The following RGS18 variants were observed in gnomAD, a reference collection of about 807,000 sequenced individuals.
RGS18 encodes regulator of G protein signaling 18.
Under a neutral mutation model 27.6 loss-of-function variants are expected in RGS18, and 22 were observed. The observed-to-expected ratio is 0.80, with a 90% CI of 0.57 to 1.14. The LOEUF (loss-of-function observed/expected upper bound fraction) is 1.14, where lower values mean the gene tolerates loss of function less well. Among genes scored for constraint, RGS18 ranks in the 50% most tolerant of loss-of-function variants. The pLI is 0.00. For missense variants in RGS18, 299 were observed against 269.6 expected (o/e 1.11, Z -0.76); for synonymous variants, 89 against 84.6 (o/e 1.05, Z -0.29).
At chr1:192,172,876 T>TGC (rs1656287289) in intron 3 of RGS18, among the ~76,000 whole-genome samples, 1 of 138,570 alleles carries the variant, frequency 7.2e-6, no homozygotes, top group Non-Finnish European at 1.6e-5. Flanking sequence ...TATATATATA[T>TGC]ATATATAAAT....
chr1:192,172,864 C>CATATATATATATATATATATATATATAA (rs549568195), intron 3 of RGS18, among the ~76,000 whole-genome samples: 2 of 135,542 alleles, frequency 1.5e-5, no homozygotes, highest in Non-Finnish European at 3.2e-5. Flanking sequence ...GAAAAATATG[C>CATATATATATATATATATATATATATAA]ATATATATAT....
At position 192,180,790 on chromosome 1, in the gene RGS18, G is replaced by T. The variant is rs35032332; in HGVS notation, c.284-502G>T. Among the ~76,000 whole-genome samples the T allele has an allele frequency of 9.8e-3, 1,484 of 151,754 alleles. 24 individuals carry two copies. The highest frequency in any genetic ancestry group is 0.034 in the African/African-American group (1,423 of 41,468). ...GCCTTGTTCATACTCGGGCCTATGG[G>T]TATAAATACCAGTGAGTCAGTGTGT... On this transcript the variant is annotated intron_variant, in intron 3 of 4. Coordinates refer to ENST00000367460, the MANE Select transcript of RGS18 (RefSeq NM_130782.3).
At position 192,176,149 on chromosome 1, in the gene RGS18, C is replaced by G. The variant is rs550565274; in HGVS notation, c.284-5143C>G. 8.6e-5 allele frequency among the ~76,000 whole-genome samples: 13 copies of G among 151,952 alleles called. No homozygotes were observed. In the South Asian group the frequency reaches 2.7e-3, roughly 32 times the overall value. On this transcript the variant is annotated intron_variant, in intron 3 of 4. Transcript: ENST00000367460. ...AGCAAGGTTATTCTGGTCAATTTCT[C>G]TTATCTCAGGATGTTGCATTGTCAG...
intron 3 of RGS18, among the ~76,000 whole-genome samples, chr1:192,170,149 A>T (rs1043384403): frequency 5.3e-5 from 8 of 152,138 alleles, no homozygotes; most frequent in African/African-American, 1.4e-4. Context: ...TTACAGACCT[A>T]AACATTGCCC....
intron 3 of RGS18, among the ~76,000 whole-genome samples, chr1:192,179,606 G>A (rs1202341675): frequency 1.3e-5 from 2 of 151,632 alleles, no homozygotes; most frequent in African/African-American, 2.4e-5. Context: ...TTCATATCAT[G>A]GAATATAATA....
chr1:192,175,948 T>G (rs547525299), intron 3 of RGS18, among the ~76,000 whole-genome samples: 1 of 151,788 alleles, frequency 6.6e-6, no homozygotes, highest in Non-Finnish European at 1.5e-5. Context: ...AGCTTCCCCC[T>G]CAACACTCAG....
intron 3 of RGS18, chr1:192,160,643 C>T: frequency 4.1e-6 from 2 of 491,922 alleles, no homozygotes; most frequent in Non-Finnish European, 7.3e-6. Flanking sequence ...TTTAGAATTA[C>T]CTACTGTGGA....
At chr1:192,174,187 T>C (rs1656317714) in intron 3 of RGS18, among the ~76,000 whole-genome samples, 1 of 151,896 alleles carries the variant, frequency 6.6e-6, no homozygotes, top group South Asian at 2.1e-4. Context: ...GTTTACTACA[T>C]ATTTATCACA....
chr1:192,184,185 T>C, intron 4 of RGS18, 112 bp from the exon 5 acceptor site: 1 of 930,872 alleles, frequency 1.1e-6, no homozygotes, highest in Non-Finnish European at 1.6e-6. Context: ...AAACTATATC[T>C]GCTTCTAAGC....
intron 3 of RGS18, among the ~76,000 whole-genome samples, chr1:192,180,928 G>A (rs745637818): frequency 1.3e-5 from 2 of 151,714 alleles, no homozygotes; most frequent in Non-Finnish European, 3.0e-5. Flanking sequence ...AGTAGGATCC[G>A]TTCCAACTGT....
intron 1 of RGS18, among the ~76,000 whole-genome samples, chr1:192,159,015 A>G (rs147933955): frequency 9.8e-5 from 15 of 152,318 alleles, no homozygotes; most frequent in African/African-American, 3.6e-4. Context: ...ATAATCTCAA[A>G]TACTTGATTG....
intron 3 of RGS18, chr1:192,169,597 G>A (rs540280970): frequency 6.6e-6 from 1 of 152,252 alleles, no homozygotes; most frequent in Admixed American, 6.5e-5. Context: ...CCAATGGTAT[G>A]CTTTTTAATA....
At chr1:192,184,184 C>T in intron 4 of RGS18, 113 bp from the exon 5 acceptor site, 1 of 916,764 alleles carries the variant, frequency 1.1e-6, no homozygotes, top group Non-Finnish European at 1.6e-6. Flanking sequence ...CAAACTATAT[C>T]TGCTTCTAAG....
intron 3 of RGS18, among the ~76,000 whole-genome samples, chr1:192,164,998 T>G (rs531762987): frequency 1.3e-5 from 2 of 152,300 alleles, no homozygotes; most frequent in Non-Finnish European, 2.9e-5. Context: ...CCATTAGGTC[T>G]GACTGCCTGG....
In RGS18 at chr1:192,158,475, T is replaced by C; in HGVS notation, c.-163T>C. 1 of 553,748 alleles carries C rather than the reference T, an allele frequency of 1.8e-6. No individual in the cohort carries two copies. Among genetic ancestry groups the C allele is most frequent in the Non-Finnish European group, 2.8e-6 (1 of 360,942 alleles). The allele number at this position is 553,748 out of a possible 1,614,324, so 34.3% of individuals were successfully genotyped here. A position where few individuals can be genotyped will look rare whatever the true frequency, so the allele number is the denominator to read the frequency against. On this transcript the variant is annotated 5_prime_UTR_variant, in exon 1 of 5. Transcript: ENST00000367460. ...CTTCATTTCCTCAGTTCTGCATTTC[T>C]GCAGAGACAGAAAGAAACGCAGCTC...
rs1452782695 is a variant in RGS18, at chr1:192,175,801, C to G, written c.284-5491C>G. ...CTCTGCACTGGTTACCAATTAAGCC[C>G]CCTATGTCTTGGGCTACAATTTTGA... On this transcript the variant is annotated intron_variant, in intron 3 of 4. Coordinates refer to ENST00000367460, the MANE Select transcript of RGS18 (RefSeq NM_130782.3). 1.3e-5 allele frequency among the ~76,000 whole-genome samples: 2 copies of G among 151,812 alleles called. 1 individual carries two copies. The highest frequency in any genetic ancestry group is 3.9e-4 in the East Asian group (2 of 5,142).
intron 3 of RGS18, among the ~76,000 whole-genome samples, chr1:192,161,719 G>A (rs982464079): frequency 1.3e-5 from 2 of 152,066 alleles, no homozygotes; most frequent in African/African-American, 4.8e-5. Context: ...AGCGTTGCCC[G>A]TGTCTTTCAC....
At chr1:192,184,267 T>G (rs1260491241) in intron 4 of RGS18, 30 bp from the exon 5 acceptor site, 2 of 1,593,126 alleles carry the variant, frequency 1.3e-6, no homozygotes, top group East Asian at 2.3e-5. Context: ...GCATATTAAC[T>G]ATAATCACAC....
intron 3 of RGS18, among the ~76,000 whole-genome samples, chr1:192,174,167 A>G (rs1453940422): frequency 6.6e-6 from 1 of 151,754 alleles, no homozygotes; most frequent in Non-Finnish European, 1.5e-5. Context: ...TCTAACATGT[A>G]GGTTATTGTG....
Sources: allele counts gnomAD v4.1 joint callset (sites outside exome capture counted in the v4.1 genomes callset), GRCh38; gene constraint gnomAD v4.1.1; transcripts MANE v1.5; gene names NCBI Gene and HGNC (gene_info 2026-07-23, HGNC 2026-07-21).